The following JMJD1C variants were observed in gnomAD, a reference collection of about 807,000 sequenced individuals.
The protein encoded by JMJD1C is jumonji domain-containing protein 1C.
A neutral mutation model predicts 245.3 loss-of-function variants in JMJD1C; 31 were observed. The ratio of observed to expected loss-of-function variants is 0.13; its 90% CI spans 0.09 to 0.17. The LOEUF is 0.17. Ranked by LOEUF, JMJD1C falls within the 10% of genes least tolerant of loss-of-function variation. The pLI, the probability that JMJD1C is intolerant of heterozygous loss-of-function variation, is 1.00. For missense variants in JMJD1C, 2,691 were observed against 3,000.2 expected (o/e 0.90, Z 2.41); for synonymous variants, 1,057 against 1,017.4 (o/e 1.04, Z -0.74).
chr10:63,391,539 C>A (rs902612832), intron 1 of JMJD1C, among the ~76,000 whole-genome samples: 4 of 148,258 alleles, frequency 2.7e-5, no homozygotes, highest in South Asian at 2.2e-4. Flanking sequence ...ACAACAACAA[C>A]AAAAAAGACA....
rs535641181 is a variant in JMJD1C at position 63,475,818 on chromosome 10, G to A, written n.113+45920C>T. Among the ~76,000 whole-genome samples, 224 of 152,286 alleles carry A rather than the reference G, an allele frequency of 1.5e-3. 1 individual carries two copies. Among genetic ancestry groups the A allele is most frequent in the African/African-American group, 5.3e-3 (222 of 41,556 alleles). ...GAGACCCTCTCTGAAGTTCAGGTGC[G>A]CAGATAAGGCTAACAGGTAAACATG... On this transcript the variant is annotated intron_variant and non_coding_transcript_variant, in intron 1 of 3. Transcript: ENST00000633035.
chr10:63,501,784 AG>A (rs1954569659), intron 1 of JMJD1C, among the ~76,000 whole-genome samples: 1 of 152,158 alleles, frequency 6.6e-6, no homozygotes, highest in Non-Finnish European at 1.5e-5. Flanking sequence ...TCAAAAAAAA[AG>A]AACAAAACAA....
At chr10:63,305,629 C>CGTGTGTGTGTGT (rs36038855) in intron 2 of JMJD1C, among the ~76,000 whole-genome samples, 4,947 of 121,660 alleles carry the variant, frequency 0.041, 276 homozygotes, top group Non-Finnish European at 0.053. Context: ...ACCATGCTGG[C>CGTGTGTGTGTGT]GTGTGTGTGT....
intron 2 of JMJD1C, among the ~76,000 whole-genome samples, chr10:63,305,459 C>CCTCTCTCCCTCTCT (rs1937982568): frequency 8.8e-6 from 1 of 113,022 alleles, no homozygotes; most frequent in Non-Finnish European, 1.8e-5. Flanking sequence ...ACGCTCTGAC[C>CCTCTCTCCCTCTCT]CTCTCTCTCT....
At position 63,431,856 on chromosome 10, in the gene JMJD1C, A is replaced by G. The variant is rs555439702; in HGVS notation, c.168+33639T>C. Among the ~76,000 whole-genome samples the G allele has an allele frequency of 7.2e-5, 11 of 152,300 alleles. No homozygotes were observed. The South Asian group carries it at 2.3e-3, about 32-fold the overall frequency. On this transcript the variant is annotated intron_variant, in intron 1 of 25. Transcript: ENST00000399262. ...GTGAAACCCCATCTCTACTAAAAGT[A>G]CAAAAATTAGCTGGGCATGGTGGTG...
At chr10:63,197,974 G>A (rs1845634078) in intron 12 of JMJD1C, among the ~76,000 whole-genome samples, 1 of 152,148 alleles carries the variant, frequency 6.6e-6, no homozygotes, top group Non-Finnish European at 1.5e-5. Context: ...TCCCCTGAGG[G>A]GCAAACCAGT....
At chr10:63,466,271 A>C (rs1363214438), upstream of JMJD1C, 1 of 158,468 alleles carries the variant, frequency 6.3e-6, no homozygotes, top group Non-Finnish European at 1.4e-5. Flanking sequence ...GTGAGGGGAA[A>C]GTGAAGTGTA....
chr10:63,423,663 T>C (rs919242379), intron 1 of JMJD1C, among the ~76,000 whole-genome samples: 8 of 152,346 alleles, frequency 5.3e-5, no homozygotes, highest in East Asian at 1.9e-4. Flanking sequence ...ATATGTAGAA[T>C]TGAAATTGCT....
chr10:63,421,998 C>T (rs1434560486), intron 1 of JMJD1C, among the ~76,000 whole-genome samples: 3 of 152,060 alleles, frequency 2.0e-5, no homozygotes, highest in Non-Finnish European at 4.4e-5. Flanking sequence ...AATACAGTCC[C>T]GTTTCACTTT....
intron 2 of JMJD1C, among the ~76,000 whole-genome samples, chr10:63,276,294 G>C (rs1358942134): frequency 2.0e-5 from 3 of 151,868 alleles, no homozygotes; most frequent in Non-Finnish European, 4.4e-5. Context: ...GTGAAACCCC[G>C]TCTCTACTAA....
At chr10:63,462,846 C>T (rs756749553) in intron 1 of JMJD1C, among the ~76,000 whole-genome samples, 3 of 152,028 alleles carry the variant, frequency 2.0e-5, no homozygotes, top group Non-Finnish European at 4.4e-5. Context: ...AAATAATAAG[C>T]GTATAACATT....
chr10:63,250,018 T>C (rs1160690177), intron 3 of JMJD1C, among the ~76,000 whole-genome samples: 2 of 151,890 alleles, frequency 1.3e-5, no homozygotes, highest in Non-Finnish European at 2.9e-5. Context: ...TAATTTTTCT[T>C]TTTTTTTAAG....
rs530783818 is a variant in JMJD1C, at chr10:63,222,882, C to T, written c.448-2899G>A. The T allele has an allele frequency of 6.1e-6, 9 of 1,486,214 alleles. No homozygotes were observed. In the African/African-American group the frequency reaches 1.1e-4, roughly 18 times the overall value. 92.1% of individuals were successfully genotyped at this position (1,486,214 alleles called of 1,614,324 possible). A position where few individuals can be genotyped will look rare whatever the true frequency, so the allele number is the denominator to read the frequency against. ...TCAAAATATATAAAAACTGCATTTCCTACCAAAAAGAAGTGGGAAAGTGGG... is the reference window on the plus strand; with the variant it reads ...TCAAAATATATAAAAACTGCATTTCTTACCAAAAAGAAGTGGGAAAGTGGG... On this transcript the variant is annotated intron_variant, in intron 3 of 25. Coordinates refer to ENST00000399262, the MANE Select transcript of JMJD1C (RefSeq NM_032776.3).
intron 24 of JMJD1C, among the ~76,000 whole-genome samples, chr10:63,175,372 GTATT>G (rs1842785480): frequency 6.6e-6 from 1 of 152,080 alleles, no homozygotes; most frequent in Non-Finnish European, 1.5e-5. Context: ...AGAGAAAAAG[GTATT>G]TATTATTATG....
chr10:63,172,838 C>T (rs1171568622), intron 24 of JMJD1C, among the ~76,000 whole-genome samples: 1 of 148,718 alleles, frequency 6.7e-6, no homozygotes, highest in Non-Finnish European at 1.5e-5. Context: ...GGGAAACATA[C>T]TTGGTGTGTG....
At chr10:63,288,340 A>T (rs2133924114) in intron 2 of JMJD1C, among the ~76,000 whole-genome samples, 1 of 152,360 alleles carries the variant, frequency 6.6e-6, no homozygotes, top group East Asian at 1.9e-4. Flanking sequence ...TCTTTTTAGC[A>T]GTGGGTAATA....
chr10:63,171,031 T>C (rs1420967133), intron 24 of JMJD1C, among the ~76,000 whole-genome samples: 1 of 152,200 alleles, frequency 6.6e-6, no homozygotes, highest in Non-Finnish European at 1.5e-5. Context: ...TGTGAGAACT[T>C]AGTGTGGAAA....
intron 1 of JMJD1C, among the ~76,000 whole-genome samples, chr10:63,460,032 T>C (rs1952675564): frequency 6.6e-6 from 1 of 152,172 alleles, no homozygotes; most frequent in Non-Finnish European, 1.5e-5. Flanking sequence ...CACAATGCTA[T>C]CCTTGGAATC....
intron 1 of JMJD1C, among the ~76,000 whole-genome samples, chr10:63,423,984 G>C (rs193199682): frequency 6.6e-6 from 1 of 152,178 alleles, no homozygotes; most frequent in East Asian, 1.9e-4. Flanking sequence ...TTAAAATTGG[G>C]TTGTTTTCCT....
Sources: gnomAD v4.1 joint callset for allele counts (sites outside exome capture counted in the v4.1 genomes callset) on GRCh38, gnomAD v4.1.1 for gene constraint, MANE v1.5 for transcripts, NCBI Gene and HGNC (gene_info 2026-07-23, HGNC 2026-07-21) for gene names.